Variants in KCNN2 observed in about 807,000 individuals in gnomAD.
KCNN2 encodes the protein potassium calcium-activated channel subfamily N member 2, also known as small conductance calcium-activated potassium channel protein 2.
In KCNN2, 24 loss-of-function variants were observed where a neutral mutation model predicts 55.5. That is an observed-to-expected ratio of 0.43 (90% CI 0.31 to 0.61). The LOEUF is 0.61. Among genes scored for constraint, KCNN2 ranks in the 20% least tolerant of loss-of-function variants. KCNN2 has a pLI of 0.08. For missense variants in KCNN2, 754 were observed against 853.6 expected, an observed-to-expected ratio of 0.88 and a Z score of 1.45; for synonymous variants, 431 against 336.1, an observed-to-expected ratio of 1.28 and a Z score of -3.09.
At chr5:114,221,342 A>G (rs1365309516) in intron 1 of KCNN2, among the ~76,000 whole-genome samples, 1 of 152,178 alleles carries the variant, frequency 6.6e-6, no homozygotes, top group African/African-American at 2.4e-5. Context: ...CTGACAATAT[A>G]TGCTAGGAGG....
intron 6 of KCNN2, among the ~76,000 whole-genome samples, chr5:114,489,902 C>T (rs999407880): frequency 6.6e-6 from 1 of 152,182 alleles, no homozygotes; most frequent in Admixed American, 6.5e-5. Context: ...CTCCTGGCCT[C>T]TCCTACTCTC....
intron 2 of KCNN2, among the ~76,000 whole-genome samples, chr5:114,390,127 A>G (rs1022183396): frequency 6.6e-6 from 1 of 152,182 alleles, no homozygotes. Context: ...CATTTTAGCA[A>G]TGTAGCAATA....
intron 1 of KCNN2, among the ~76,000 whole-genome samples, chr5:114,061,840 T>C (rs1750338051): frequency 6.6e-6 from 1 of 152,162 alleles, no homozygotes; most frequent in South Asian, 2.1e-4. Context: ...CTTGTGCAAC[T>C]GGGAAGTGGA....
At chr5:114,373,250 A>G (rs1446568166) in intron 2 of KCNN2, among the ~76,000 whole-genome samples, 3 of 152,066 alleles carry the variant, frequency 2.0e-5, no homozygotes, top group Admixed American at 6.6e-5. Context: ...CTAATTCTAC[A>G]TGATCTTGGT....
chr5:114,419,128 C>T (rs1759396076), intron 3 of KCNN2, among the ~76,000 whole-genome samples: 1 of 152,148 alleles, frequency 6.6e-6, no homozygotes, highest in Admixed American at 6.5e-5. Flanking sequence ...AAAATAGCAG[C>T]AAGGATTAAG....
At chr5:114,228,080 A>G (rs1013115934) in intron 2 of KCNN2, among the ~76,000 whole-genome samples, 3 of 152,082 alleles carry the variant, frequency 2.0e-5, no homozygotes, top group Non-Finnish European at 2.9e-5. Flanking sequence ...TTGAATTCCC[A>G]TTGATGAATG....
intron 2 of KCNN2, among the ~76,000 whole-genome samples, chr5:114,378,687 A>G (rs1258315999): frequency 6.6e-6 from 1 of 152,134 alleles, no homozygotes; most frequent in Non-Finnish European, 1.5e-5. Context: ...GAGGGGCAGT[A>G]TGGGCAGTAT....
intron 1 of KCNN2, among the ~76,000 whole-genome samples, chr5:114,075,731 G>GA (rs1750673190): frequency 6.6e-6 from 1 of 151,728 alleles, no homozygotes; most frequent in South Asian, 2.1e-4. Flanking sequence ...TTAGCTAAGG[G>GA]GGCATTAACA....
rs561231788 is a variant in KCNN2 at position 114,345,357 on chromosome 5, T to C, written c.-184-15588T>C. Among the ~76,000 whole-genome samples, 15 of 152,288 alleles carry C rather than the reference T, an allele frequency of 9.8e-5. No homozygotes were observed. In the South Asian group the frequency reaches 3.1e-3, roughly 32 times the overall value. Reference sequence around the variant, plus strand: ...ATGGATGGGAAAAGGGCAAAAAGGATAACAGAATGGCAATGGAGTAGGGAC... The same window carrying C: ...ATGGATGGGAAAAGGGCAAAAAGGACAACAGAATGGCAATGGAGTAGGGAC... On this transcript the variant is annotated intron_variant, in intron 2 of 10. Coordinates refer to the KCNN2 transcript ENST00000512097.
chr5:114,098,991 G>A (rs915211895), intron 1 of KCNN2, among the ~76,000 whole-genome samples: 1 of 152,018 alleles, frequency 6.6e-6, no homozygotes, highest in Non-Finnish European at 1.5e-5. Context: ...TATAAAATTT[G>A]TATAACACAA....
At chr5:114,397,503 C>T (rs1758655451) in intron 2 of KCNN2, among the ~76,000 whole-genome samples, 1 of 152,172 alleles carries the variant, frequency 6.6e-6, no homozygotes, top group Admixed American at 6.5e-5. Flanking sequence ...TCTTCTGTCT[C>T]AGCCTCCTGA....
intron 1 of KCNN2, among the ~76,000 whole-genome samples, chr5:114,162,971 C>G (rs1238748154): frequency 6.6e-6 from 1 of 152,168 alleles, no homozygotes; most frequent in Non-Finnish European, 1.5e-5. Flanking sequence ...ATGCCTCTCC[C>G]TGCTTCGGCT....
intron 1 of KCNN2, among the ~76,000 whole-genome samples, chr5:114,062,308 G>T (rs903916578): frequency 6.6e-6 from 1 of 152,168 alleles, no homozygotes; most frequent in African/African-American, 2.4e-5. Context: ...AAGACCTCCT[G>T]CCAGACATGC....
intron 4 of KCNN2, among the ~76,000 whole-genome samples, chr5:114,470,005 A>T (rs546614449): frequency 6.6e-6 from 1 of 152,314 alleles, no homozygotes; most frequent in South Asian, 2.1e-4. Context: ...AGGTATATAG[A>T]TAATAGTTTT....
chr5:114,200,246 CT>C (rs1004343888), intron 1 of KCNN2, among the ~76,000 whole-genome samples: 9 of 151,854 alleles, frequency 5.9e-5, no homozygotes, highest in Admixed American at 5.9e-4. Flanking sequence ...AAAGACCTGT[CT>C]TCTTCAAGTT....
At chr5:114,310,854 A>G (rs1756378987) in intron 2 of KCNN2, among the ~76,000 whole-genome samples, 1 of 152,192 alleles carries the variant, frequency 6.6e-6, no homozygotes, top group African/African-American at 2.4e-5. Flanking sequence ...TCTGTTTTTA[A>G]AAAGCAAAAC....
At chr5:114,072,613 T>G in intron 1 of KCNN2, among the ~76,000 whole-genome samples, 1 of 152,212 alleles carries the variant, frequency 6.6e-6, no homozygotes, top group South Asian at 2.1e-4. Flanking sequence ...TTACCTAGTC[T>G]GTAGTATTCT....
intron 1 of KCNN2, among the ~76,000 whole-genome samples, chr5:114,078,509 C>T (rs746524521): frequency 2.6e-5 from 4 of 152,146 alleles, no homozygotes; most frequent in Non-Finnish European, 5.9e-5. Context: ...ACGCTCTGAG[C>T]CCTGATGAAG....
chr5:114,280,311 C>T lies in KCNN2; in HGVS notation c.-185+58746C>T, dbSNP rs185584141. ...CAGAAGCTCTTTAGCTTAATTAGAC[C>T]CCATTTGTCAATTTTGGCTTTTGTT... On this transcript the variant is annotated intron_variant, in intron 2 of 10. Transcript: ENST00000512097. 6.4e-3 allele frequency among the ~76,000 whole-genome samples: 968 copies of T among 152,126 alleles called. 4 individuals carry two copies. Among genetic ancestry groups the T allele is most frequent in the Middle Eastern group, 0.014 (4 of 294 alleles).
Sources: allele counts gnomAD v4.1 joint callset (sites outside exome capture counted in the v4.1 genomes callset), GRCh38; gene constraint gnomAD v4.1.1; transcripts MANE v1.5; gene names NCBI Gene and HGNC (gene_info 2026-07-23, HGNC 2026-07-21).